The following MED13L variants were observed in gnomAD, a reference collection of about 807,000 sequenced individuals.
MED13L encodes the protein mediator complex subunit 13L.
A neutral mutation model predicts 220.9 loss-of-function variants in MED13L; 7 were observed. The ratio of observed to expected loss-of-function variants is 0.03; its 90% CI spans 0.02 to 0.06. The LOEUF is 0.06. Among genes scored for constraint, MED13L ranks in the 10% least tolerant of loss-of-function variants. The pLI is 1.00. For synonymous variants in MED13L, 1,011 were observed against 1,015.2 expected, an observed-to-expected ratio of 1.00 and a Z score of 0.08; for missense variants, 1,965 against 2,760.5, an observed-to-expected ratio of 0.71 and a Z score of 6.46.
intron 14 of MED13L, among the ~76,000 whole-genome samples, chr12:115,999,140 G>A (rs964499179): frequency 6.6e-6 from 1 of 152,034 alleles, no homozygotes; most frequent in African/African-American, 2.4e-5. Flanking sequence ...AGGCCGGGTG[G>A]GATAGCTCAC....
intron 4 of MED13L, among the ~76,000 whole-genome samples, chr12:116,065,237 G>A (rs148843959): frequency 0.013 from 1,943 of 152,146 alleles, 18 homozygotes; most frequent in Non-Finnish European, 0.019. Context: ...TCCATAGTAG[G>A]CTGAAGTGTC....
At chr12:116,022,723 T>G (rs1880134403) in intron 4 of MED13L, 122 bp from the exon 5 acceptor site, 1 of 1,066,750 alleles carries the variant, frequency 9.4e-7, no homozygotes, top group Non-Finnish European at 1.4e-6. Context: ...GACTTCTAAT[T>G]GTGGGCAAAA....
intron 4 of MED13L, among the ~76,000 whole-genome samples, chr12:116,064,188 A>C (rs1027858614): frequency 2.6e-5 from 4 of 151,988 alleles, no homozygotes; most frequent in African/African-American, 9.7e-5. Context: ...GTCTCAAAAA[A>C]AAAAAAAGTC....
At chr12:116,130,475 G>A (rs1470625164) in intron 2 of MED13L, among the ~76,000 whole-genome samples, 1 of 152,216 alleles carries the variant, frequency 6.6e-6, no homozygotes, top group East Asian at 1.9e-4. Flanking sequence ...AAAAGGTAAC[G>A]GTATCATAAA....
At chr12:116,010,382 T>C (rs1168895228) in intron 9 of MED13L, among the ~76,000 whole-genome samples, 1 of 152,218 alleles carries the variant, frequency 6.6e-6, no homozygotes, top group Non-Finnish European at 1.5e-5. Context: ...TTTTAGACTT[T>C]TTTTCTCAGA....
At chr12:116,010,737 C>G (rs1879340803) in intron 9 of MED13L, among the ~76,000 whole-genome samples, 1 of 152,082 alleles carries the variant, frequency 6.6e-6, no homozygotes. Context: ...TTACAATAGG[C>G]ATTTCAAAGG....
chr12:116,085,768 AC>A (rs1871625012), intron 4 of MED13L, among the ~76,000 whole-genome samples: 1 of 151,642 alleles, frequency 6.6e-6, no homozygotes, highest in African/African-American at 2.4e-5. Context: ...ACACACACAC[AC>A]ACACACACAC....
intron 3 of MED13L, among the ~76,000 whole-genome samples, chr12:116,108,210 G>C (rs1873757629): frequency 6.6e-6 from 1 of 151,994 alleles, no homozygotes; most frequent in Non-Finnish European, 1.5e-5. Flanking sequence ...AAAATTGCCA[G>C]GAATAAGACA....
chr12:116,045,075 C>A (rs1488312965), intron 4 of MED13L, among the ~76,000 whole-genome samples: 1 of 152,030 alleles, frequency 6.6e-6, no homozygotes, highest in African/African-American at 2.4e-5. Context: ...AAAGAGGGGG[C>A]CCCTCCTTCT....
Position 116,041,095 on chromosome 12 carries a change from T to C in MED13L, c.480-18494A>G, listed in dbSNP as rs148547859. On this transcript the variant is annotated intron_variant, in intron 4 of 30. Transcript: ENST00000281928. ...GTAATTAAAAACAAGGGAACAGGTA[T>C]GGTTTAGCTCTGTGTCCCCACCCAA... Among the ~76,000 whole-genome samples the C allele has an allele frequency of 8.5e-5, 13 of 152,248 alleles. No homozygotes were observed. In the East Asian group the frequency reaches 9.6e-4, roughly 11 times the overall value.
At chr12:115,964,555 G>A (rs1565981850) in intron 29 of MED13L, among the ~76,000 whole-genome samples, 1 of 152,096 alleles carries the variant, frequency 6.6e-6, no homozygotes, top group Non-Finnish European at 1.5e-5. Context: ...TTTTCAGACT[G>A]AGTTGATGCT....
At chr12:115,977,471 G>T (rs1328767898) in intron 23 of MED13L, among the ~76,000 whole-genome samples, 1 of 152,174 alleles carries the variant, frequency 6.6e-6, no homozygotes, top group Non-Finnish European at 1.5e-5. Context: ...TCAAGAGAAA[G>T]AAATATTATG....
chr12:116,261,391 G>C (rs566662036), intron 1 of MED13L, among the ~76,000 whole-genome samples: 1 of 151,954 alleles, frequency 6.6e-6, no homozygotes, highest in African/African-American at 2.4e-5. Context: ...CAGCTACTCA[G>C]GAGGCTGAGG....
At chr12:116,029,325 T>G (rs1302684651) in intron 4 of MED13L, among the ~76,000 whole-genome samples, 2 of 150,948 alleles carry the variant, frequency 1.3e-5, no homozygotes, top group Non-Finnish European at 3.0e-5. Context: ...AAAAAACCAT[T>G]AAAAAAATTG....
At chr12:116,003,176 T>C in intron 13 of MED13L, 74 bp from the exon 14 acceptor site, 2 of 1,313,948 alleles carry the variant, frequency 1.5e-6, no homozygotes, top group Non-Finnish European at 2.2e-6. Flanking sequence ...TTTCCTAATG[T>C]ATGCCTATTG....
At chr12:115,999,543 CAA>C (rs1373216584) in intron 14 of MED13L, among the ~76,000 whole-genome samples, 1 of 152,106 alleles carries the variant, frequency 6.6e-6, no homozygotes, top group Non-Finnish European at 1.5e-5. Context: ...ATAAAATCTT[CAA>C]AGTCACATTG....
chr12:116,124,119 A>AGAGAGAGAGAGAGAGAGAGAGAGAGAG lies in MED13L; in HGVS notation c.311-12608_311-12607insCTCTCTCTCTCTCTCTCTCTCTCTCTC, dbSNP rs1875335485. Among the ~76,000 whole-genome samples the AGAGAGAGAGAGAGAGAGAGAGAGAGAG allele has an allele frequency of 3.0e-5, 3 of 100,498 alleles. No homozygotes were observed. In the South Asian group the frequency reaches 1.2e-3, roughly 41 times the overall value. 65.9% of individuals were successfully genotyped at this position (100,498 alleles called of 152,430 possible). A position where few individuals can be genotyped will look rare whatever the true frequency, so the allele number is the denominator to read the frequency against. ...AATAACATCTGCAGAGAGAGAGAGA[A>AGAGAGAGAGAGAGAGAGAGAGAGAGAG]AGACGAGAGAGAGAGAGAGAGAGAG... On this transcript the variant is annotated intron_variant, in intron 2 of 30. Transcript: ENST00000281928.
chr12:116,107,055 G>C (rs1262616497), intron 3 of MED13L, among the ~76,000 whole-genome samples: 4 of 152,130 alleles, frequency 2.6e-5, no homozygotes, highest in Admixed American at 6.5e-5. Context: ...CCTTCACCAT[G>C]TTACTGGTGA....
chr12:116,123,139 TA>T (rs1875236803), intron 2 of MED13L, among the ~76,000 whole-genome samples: 1 of 152,220 alleles, frequency 6.6e-6, no homozygotes, highest in African/African-American at 2.4e-5. Flanking sequence ...CCAGAAGGAT[TA>T]AAATTAACAG....
Sources: gnomAD v4.1 joint callset for allele counts (sites outside exome capture counted in the v4.1 genomes callset) on GRCh38, gnomAD v4.1.1 for gene constraint, MANE v1.5 for transcripts, NCBI Gene and HGNC (gene_info 2026-07-23, HGNC 2026-07-21) for gene names.